Variants in A2ML1 observed in about 807,000 individuals in gnomAD.
A2ML1 encodes alpha-2-macroglobulin like 1, also known as alpha-2-macroglobulin-like protein 1.
In A2ML1, 161 loss-of-function variants were observed where a neutral mutation model predicts 181.9. The observed-to-expected ratio is 0.89, with a 90% CI of 0.78 to 1.01. A2ML1 has a LOEUF of 1.01. Ranked by LOEUF, A2ML1 falls within the 50% of genes least tolerant of loss-of-function variation. The pLI is 0.00. For missense variants in A2ML1, 1,670 were observed against 1,768.1 expected, an observed-to-expected ratio of 0.94 and a Z score of 1.00; for synonymous variants, 663 against 666.8, an observed-to-expected ratio of 0.99 and a Z score of 0.09.
chr12:8,849,857 G>C (rs1943828103), intron 17 of A2ML1, 98 bp downstream of exon 17: 1 of 1,085,486 alleles, frequency 9.2e-7, no homozygotes, highest in Non-Finnish European at 1.4e-6. Context: ...TGAGCCTCTA[G>C]CCCGAGAATG....
In A2ML1 at chr12:8,846,095, C is replaced by G. The variant is rs202176589; in HGVS notation, c.1556C>G (p.Ser519Cys). The G allele has an allele frequency of 2.9e-5, 47 of 1,614,160 alleles. No homozygotes were observed. Among genetic ancestry groups the G allele is most frequent in the Non-Finnish European group, 3.9e-5 (46 of 1,180,018 alleles). The change falls in exon 14 of 36, where the codon TCT (serine) becomes TGT (cysteine). Residue 519 changes from serine to cysteine, a missense_variant. Physicochemically the swap from Ser to Cys is moderately radical, Grantham distance 112. Coordinates refer to ENST00000299698, the MANE Select transcript of A2ML1 (RefSeq NM_144670.6). ...CTTTCAGGACTGAAAGCCTCCTTCT[C>G]TCTCTCACTGACCTTCACTTCGAGA... ...SKKKGLKASF[S>C]LSLTFTSRLA...
At chr12:8,824,485 T>A (rs1222862747) in intron 3 of A2ML1, among the ~76,000 whole-genome samples, 1 of 152,114 alleles carries the variant, frequency 6.6e-6, no homozygotes, top group Non-Finnish European at 1.5e-5. Flanking sequence ...ATCATTTCCT[T>A]GTATTACAAA....
At chr12:8,839,891 A>G (rs2136791237) in intron 10 of A2ML1, among the ~76,000 whole-genome samples, 1 of 152,040 alleles carries the variant, frequency 6.6e-6, no homozygotes, top group Middle Eastern at 3.4e-3. Context: ...GGGATTACAG[A>G]CATGTGTCCC....
chr12:8,886,427 A>G (rs1200025862), intron 7 of A2ML1: 3 of 152,166 alleles, frequency 2.0e-5, no homozygotes, highest in Non-Finnish European at 2.9e-5. Context: ...AATAACATCT[A>G]ATTTCCTATT....
At chr12:8,823,527 G>T in intron 2 of A2ML1, 162 bp downstream of exon 2, 1 of 1,069,840 alleles carries the variant, frequency 9.3e-7, no homozygotes, top group Non-Finnish European at 1.3e-6. Context: ...ACTCACCCAC[G>T]GTTTCCTCGA....
In A2ML1 at chr12:8,843,340, A is replaced by G; in HGVS notation, c.1455A>G (p.Gln485=). ...ACCCGGCCGATGCAAGCCCTGACCA[A>G]GAGATCAGCTTCTCCTACTATGTGA... The part of the protein sequence containing the change: ...YIDPADASPD[Q]EISFSYYLIG... The change falls in exon 12 of 36, where the codon CAA becomes CAG. Residue 485 remains glutamine (Q), a synonymous_variant. Transcript: ENST00000299698. 2 of 1,614,092 alleles carry G rather than the reference A, an allele frequency of 1.2e-6. No homozygotes were observed. Among genetic ancestry groups the G allele is most frequent in the South Asian group, 2.2e-5 (2 of 91,080 alleles).
In A2ML1 at chr12:8,874,499, C is replaced by T. The variant is rs1413859046; in HGVS notation, c.4296C>T (p.Thr1432=). The T allele has an allele frequency of 6.2e-7, 1 of 1,614,040 alleles. No individual in the cohort carries two copies. The highest frequency in any genetic ancestry group is 1.1e-5 in the South Asian group (1 of 91,064). The change falls in exon 34 of 36, where the codon ACC becomes ACT. Residue 1432 remains threonine, a synonymous_variant. Transcript: ENST00000299698. Reference sequence around the variant, plus strand: ...TGGTCACCAACTTGAAACCAGCAACCATCAAGGTCTATGACTACTACCTAC... The same window carrying T: ...TGGTCACCAACTTGAAACCAGCAACTATCAAGGTCTATGACTACTACCTAC... ...SVLVTNLKPA[T]IKVYDYYLPD... is the part of the protein sequence containing the mutation.
intron 33 of A2ML1, among the ~76,000 whole-genome samples, chr12:8,872,716 A>G (rs925920715): frequency 6.6e-6 from 1 of 151,170 alleles, no homozygotes; most frequent in African/African-American, 2.4e-5. Flanking sequence ...CCTGGCAGGC[A>G]GAGGTTGCGG....
chr12:8,838,421 T>G lies in A2ML1; in HGVS notation c.941T>G (p.Ile314Ser), dbSNP rs889804273. The G allele has an allele frequency of 6.2e-7, 1 of 1,613,818 alleles. No homozygotes were observed. The highest frequency in any genetic ancestry group is 8.5e-7 in the Non-Finnish European group (1 of 1,179,866). ...TATGCGTACAGCCATCAAATCAATA[T>G]TGTGGCTACTGTTGTGGAGGAAGGG... ...IGYAYSHQIN[I>S]VATVVEEGTG... is the part of the protein sequence containing the mutation. The change falls in exon 9 of 36, where the codon ATT becomes AGT. Residue 314 changes from isoleucine (I) to serine (S), a missense_variant. Transcript: ENST00000299698.
chr12:8,848,596 AT>A, intron 15 of A2ML1, 123 bp from the exon 16 acceptor site: 2 of 726,426 alleles, frequency 2.8e-6, no homozygotes, highest in Non-Finnish European at 4.3e-6. Context: ...GAATATAAAA[AT>A]AATTCTGAAG....
chr12:8,851,211 C>T (rs1943876133), intron 18 of A2ML1, among the ~76,000 whole-genome samples: 1 of 152,166 alleles, frequency 6.6e-6, no homozygotes, highest in South Asian at 2.1e-4. Flanking sequence ...AGCCCTGAGA[C>T]CACACATCCT....
chr12:8,880,051 A>G (rs1944854938), downstream of A2ML1, among the ~76,000 whole-genome samples: 2 of 152,180 alleles, frequency 1.3e-5, no homozygotes, highest in Admixed American at 1.3e-4. Flanking sequence ...GACCAAAAAA[A>G]TGATAGAAGA....
Position 8,835,974 on chromosome 12 carries a change from C to G in A2ML1, c.644-281C>G, listed in dbSNP as rs1432954474. On this transcript the variant is annotated intron_variant, in intron 6 of 35. Transcript: ENST00000299698. ...CTTGCAGTGAGCTGACATCACGCCA[C>G]TGCACTCCAGCCTGGGTGACAGAGC... Among the ~76,000 whole-genome samples, 4 of 135,024 alleles carry G rather than the reference C, an allele frequency of 3.0e-5. No homozygotes were observed. In the East Asian group the frequency reaches 8.7e-4, roughly 29 times the overall value. The allele number at this position is 135,024 out of a possible 152,430, so 88.6% of individuals were successfully genotyped here.
At chr12:8,873,057 GA>G (rs770105458) in intron 33 of A2ML1, among the ~76,000 whole-genome samples, 8 of 150,102 alleles carry the variant, frequency 5.3e-5, no homozygotes, top group Admixed American at 2.0e-4. Context: ...AATGAGAGTG[GA>G]AAAAAAAAGT....
chr12:8,853,737 G>C (rs1389897009), intron 20 of A2ML1, among the ~76,000 whole-genome samples: 1 of 152,192 alleles, frequency 6.6e-6, no homozygotes, highest in Non-Finnish European at 1.5e-5. Context: ...GTCTTCCCCA[G>C]AGCAAGCAGT....
chr12:8,845,104 A>T, intron 12 of A2ML1: 1 of 1,450,660 alleles, frequency 6.9e-7, no homozygotes, highest in Non-Finnish European at 9.0e-7. Flanking sequence ...ATTTTCGCTG[A>T]CTTTCTGTTA....
chr12:8,866,971 T>G (rs1482191754), intron 29 of A2ML1, among the ~76,000 whole-genome samples: 3 of 152,222 alleles, frequency 2.0e-5, no homozygotes, highest in Non-Finnish European at 2.9e-5. Context: ...ATGAAACAGT[T>G]CAAATATCAC....
chr12:8,837,463 T>C lies in A2ML1; in HGVS notation c.752T>C (p.Leu251Pro). The C allele has an allele frequency of 6.2e-7, 1 of 1,614,054 alleles. No individual in the cohort carries two copies. The highest frequency in any genetic ancestry group is 8.5e-7 in the Non-Finnish European group (1 of 1,179,938). The change falls in exon 8 of 36, where the codon CTA becomes CCA. Residue 251 changes from leucine to proline, a missense_variant. By Grantham distance (98) the Leu-to-Pro change is moderately conservative. Coordinates refer to ENST00000299698, the MANE Select transcript of A2ML1 (RefSeq NM_144670.6). The part of the protein sequence containing the change: ...CCRYTYGKPM[L>P]GAVQVSVCQK... ...AGGTACACCTATGGAAAGCCCATGCTAGGGGCAGTGCAGGTATCTGTGTGT... is the reference window on the plus strand; with the variant it reads ...AGGTACACCTATGGAAAGCCCATGCCAGGGGCAGTGCAGGTATCTGTGTGT...
At chr12:8,834,714 G>A in intron 5 of A2ML1, 32 bp downstream of exon 5, 1 of 1,613,610 alleles carries the variant, frequency 6.2e-7, no homozygotes, top group East Asian at 2.2e-5. Context: ...TTCTCTGTCA[G>A]TTGTGGAAGA....
Sources: allele counts gnomAD v4.1 joint callset (sites outside exome capture counted in the v4.1 genomes callset), GRCh38; gene constraint gnomAD v4.1.1; transcripts MANE v1.5; gene names NCBI Gene and HGNC (gene_info 2026-07-23, HGNC 2026-07-21).